The following BICC1 variants were observed in gnomAD, a reference collection of about 807,000 sequenced individuals.
The protein encoded by BICC1 is protein bicaudal C homolog 1.
A neutral mutation model predicts 111.0 loss-of-function variants in BICC1; 43 were observed. That is an observed-to-expected ratio of 0.39 (90% CI 0.30 to 0.50). The LOEUF (loss-of-function observed/expected upper bound fraction) is 0.50. BICC1 is among the 20% of genes least tolerant of loss of function. The pLI, the probability that BICC1 is intolerant of heterozygous loss-of-function variation, is 0.88. For synonymous variants in BICC1, 467 were observed against 434.4 expected, an observed-to-expected ratio of 1.07 and a Z score of -0.93; for missense variants, 1,091 against 1,203.2, an observed-to-expected ratio of 0.91 and a Z score of 1.38.
intron 2 of BICC1, among the ~76,000 whole-genome samples, chr10:58,643,424 A>G (rs1838180233): frequency 6.6e-6 from 1 of 152,170 alleles, no homozygotes; most frequent in Admixed American, 6.5e-5. Flanking sequence ...GTTGTCAATC[A>G]CCACCTGTCC....
At position 58,691,486 on chromosome 10, in the gene BICC1, C is replaced by T. The variant is rs142800957; in HGVS notation, c.238-10588C>T. ...TTATAGGCCGTCATAAATAACCTACCCACACACCACGAAAATTGTCTTTGG... is the reference window on the plus strand; with the variant it reads ...TTATAGGCCGTCATAAATAACCTACTCACACACCACGAAAATTGTCTTTGG... On this transcript the variant is annotated intron_variant, in intron 2 of 20. Coordinates refer to ENST00000373886, the MANE Select transcript of BICC1 (RefSeq NM_001080512.3). Among the ~76,000 whole-genome samples the T allele has an allele frequency of 5.7e-3, 865 of 152,232 alleles. 7 individuals carry two copies. The highest frequency in any genetic ancestry group is 0.02 in the African/African-American group (816 of 41,546).
intron 3 of BICC1, among the ~76,000 whole-genome samples, chr10:58,749,263 TC>T (rs1407675120): frequency 4.6e-5 from 7 of 152,164 alleles, no homozygotes; most frequent in African/African-American, 1.7e-4. Flanking sequence ...ACAGAATACT[TC>T]TGAAGGTCAT....
chr10:58,542,438 G>C (rs773932655), intron 1 of BICC1, among the ~76,000 whole-genome samples: 11 of 151,752 alleles, frequency 7.2e-5, no homozygotes, highest in Non-Finnish European at 1.6e-4. Context: ...CAGGGGAAAA[G>C]CTTCATGACA....
intron 1 of BICC1, among the ~76,000 whole-genome samples, chr10:58,599,771 T>C (rs1844964167): frequency 6.6e-6 from 1 of 152,144 alleles, no homozygotes; most frequent in African/African-American, 2.4e-5. Context: ...GGCACATCTC[T>C]ATGAAAAAAT....
chr10:58,746,856 C>A (rs919684364), intron 3 of BICC1, among the ~76,000 whole-genome samples: 1 of 152,132 alleles, frequency 6.6e-6, no homozygotes, highest in Non-Finnish European at 1.5e-5. Context: ...GCTGATATGT[C>A]AACAGCAGGG....
intron 2 of BICC1, among the ~76,000 whole-genome samples, chr10:58,642,774 G>T (rs186939788): frequency 6.6e-6 from 1 of 151,874 alleles, no homozygotes; most frequent in Non-Finnish European, 1.5e-5. Context: ...ATGTGATCAC[G>T]GCTTACTGCA....
intron 3 of BICC1, among the ~76,000 whole-genome samples, chr10:58,726,863 A>C (rs1486661912): frequency 1.3e-5 from 2 of 152,228 alleles, no homozygotes; most frequent in South Asian, 2.1e-4. Flanking sequence ...CATACAAAGG[A>C]GGAAGTTTAC....
intron 1 of BICC1, among the ~76,000 whole-genome samples, chr10:58,567,666 C>T (rs1316135202): frequency 6.6e-6 from 1 of 151,832 alleles, no homozygotes; most frequent in Non-Finnish European, 1.5e-5. Flanking sequence ...GAATGCTGTG[C>T]CTGTAATTGC....
intron 20 of BICC1, among the ~76,000 whole-genome samples, chr10:58,821,120 C>T (rs559749899): frequency 2.0e-5 from 3 of 152,130 alleles, no homozygotes; most frequent in African/African-American, 7.2e-5. Flanking sequence ...AGGAATTGAG[C>T]CAGATGATGA....
At chr10:58,675,798 T>A (rs1839320177) in intron 2 of BICC1, among the ~76,000 whole-genome samples, 2 of 152,252 alleles carry the variant, frequency 1.3e-5, no homozygotes, top group African/African-American at 4.8e-5. Context: ...CTTTACTTGA[T>A]AATTAAACAT....
chr10:58,754,223 C>G (rs999439493), intron 3 of BICC1, among the ~76,000 whole-genome samples: 12 of 152,136 alleles, frequency 7.9e-5, no homozygotes, highest in African/African-American at 2.7e-4. Flanking sequence ...CCTTTTTTTA[C>G]TCTTGTCTCC....
intron 2 of BICC1, among the ~76,000 whole-genome samples, chr10:58,671,274 A>T (rs1206409066): frequency 2.6e-5 from 4 of 151,832 alleles, no homozygotes; most frequent in East Asian, 1.9e-4. Flanking sequence ...TTATGAAAAA[A>T]CTCTGTAGCA....
intron 15 of BICC1, among the ~76,000 whole-genome samples, chr10:58,803,829 T>G (rs530632307): frequency 6.6e-6 from 1 of 152,306 alleles, no homozygotes; most frequent in South Asian, 2.1e-4. Flanking sequence ...AAACTATTAG[T>G]CTAATTACTC....
intron 2 of BICC1, among the ~76,000 whole-genome samples, chr10:58,639,275 C>T (rs1838046255): frequency 6.6e-6 from 1 of 152,098 alleles, no homozygotes; most frequent in Admixed American, 6.6e-5. Context: ...GCTCACAGAG[C>T]ATATTTGTTT....
intron 3 of BICC1, among the ~76,000 whole-genome samples, chr10:58,714,430 G>A (rs1254724779): frequency 2.0e-5 from 3 of 152,226 alleles, no homozygotes; most frequent in African/African-American, 4.8e-5. Context: ...TGCAGTCAGT[G>A]TTGAATTTTA....
chr10:58,797,961 A>G (rs1331575203), intron 10 of BICC1, among the ~76,000 whole-genome samples: 1 of 152,220 alleles, frequency 6.6e-6, no homozygotes, highest in Admixed American at 6.5e-5. Flanking sequence ...AAATAGATCT[A>G]TCCTACCACA....
intron 1 of BICC1, among the ~76,000 whole-genome samples, chr10:58,557,754 A>G (rs1405883544): frequency 6.6e-6 from 1 of 152,012 alleles, no homozygotes; most frequent in Non-Finnish European, 1.5e-5. Context: ...TAGCTTTTTA[A>G]ATACACAGTA....
At chr10:58,723,630 A>G (rs1462644602) in intron 3 of BICC1, among the ~76,000 whole-genome samples, 1 of 152,182 alleles carries the variant, frequency 6.6e-6, no homozygotes, top group Admixed American at 6.5e-5. Flanking sequence ...GATGGCACAG[A>G]GAGAATTTCA....
intron 1 of BICC1, among the ~76,000 whole-genome samples, chr10:58,556,774 A>T (rs1843459867): frequency 6.6e-6 from 1 of 152,100 alleles, no homozygotes; most frequent in African/African-American, 2.4e-5. Flanking sequence ...AAAGTCCGAA[A>T]GAGTGTCAGT....
Sources: gnomAD v4.1 joint callset for allele counts (sites outside exome capture counted in the v4.1 genomes callset) on GRCh38, gnomAD v4.1.1 for gene constraint, MANE v1.5 for transcripts, NCBI Gene and HGNC (gene_info 2026-07-23, HGNC 2026-07-21) for gene names.